DIAPH2: variants seen among roughly 807,000 people sequenced by gnomAD.
The protein encoded by DIAPH2 is protein diaphanous homolog 2.
Under a neutral mutation model 92.7 loss-of-function variants are expected in DIAPH2, and 35 were observed. The ratio of observed to expected loss-of-function variants is 0.38; its 90% CI spans 0.29 to 0.50. DIAPH2 has a LOEUF of 0.50. DIAPH2 is among the 20% of genes least tolerant of loss of function. The pLI, the probability that DIAPH2 is intolerant of heterozygous loss-of-function variation, is 0.94. For missense variants in DIAPH2, 701 were observed against 819.5 expected, an observed-to-expected ratio of 0.86 and a Z score of 1.77; for synonymous variants, 301 against 280.4, an observed-to-expected ratio of 1.07 and a Z score of -0.73.
At chrX:96,962,621 A>G (rs896367020) in intron 16 of DIAPH2, among the ~76,000 whole-genome samples, 1 of 103,356 alleles carries the variant, frequency 9.7e-6, no homozygotes, top group African/African-American at 3.6e-5. Flanking sequence ...GCAATTTAAT[A>G]TCTTCTATTT....
At chrX:97,338,162 G>A (rs1482874699) in intron 23 of DIAPH2, among the ~76,000 whole-genome samples, 2 of 110,981 alleles carry the variant, frequency 1.8e-5, no homozygotes, top group African/African-American at 3.3e-5. Context: ...GTGAGCCACC[G>A]TACCTGGCCT....
intron 26 of DIAPH2, among the ~76,000 whole-genome samples, chrX:97,452,659 A>C (rs189732002): frequency 5.3e-5 from 6 of 112,171 alleles, no homozygotes; most frequent in East Asian, 5.6e-4. Context: ...CCCCTTTTCT[A>C]GTATTCCAGA....
chrX:97,570,114 ATATATATATT>A (rs1569426209), intron 26 of DIAPH2, among the ~76,000 whole-genome samples: 17 of 31,135 alleles, frequency 5.5e-4, no homozygotes, highest in East Asian at 1.4e-3. Flanking sequence ...ATATATATAT[ATATATATATT>A]AGAAGATAGA....
At chrX:96,923,227 A>G (rs1050434445) in intron 9 of DIAPH2, among the ~76,000 whole-genome samples, 3 of 112,294 alleles carry the variant, frequency 2.7e-5, no homozygotes, top group East Asian at 2.8e-4. Context: ...CAATATATAC[A>G]AAGAAGTGGA....
intron 4 of DIAPH2, among the ~76,000 whole-genome samples, chrX:96,804,335 A>G (rs1318365216): frequency 1.1e-4 from 12 of 111,808 alleles, no homozygotes; most frequent in Non-Finnish European, 2.1e-4. Flanking sequence ...AAAACTCAAA[A>G]TGTTGATATT....
At chrX:97,226,389 G>T (rs2067965650) in intron 22 of DIAPH2, among the ~76,000 whole-genome samples, 1 of 110,658 alleles carries the variant, frequency 9.0e-6, no homozygotes, top group African/African-American at 3.3e-5. Context: ...GTTTTGTTTT[G>T]TTTGAGATGG....
chrX:97,214,530 TA>T lies in DIAPH2; in HGVS notation c.2720-33175del, dbSNP rs11394257. Among the ~76,000 whole-genome samples, 73 of 107,200 alleles carry T rather than the reference TA, an allele frequency of 6.8e-4. 1 individual carries two copies. In the East Asian group the frequency reaches 0.018, roughly 27 times the overall value. 93.1% of individuals were successfully genotyped at this position (107,200 alleles called of 115,157 possible). A position where few individuals can be genotyped will look rare whatever the true frequency, so the allele number is the denominator to read the frequency against. On this transcript the variant is annotated intron_variant, in intron 22 of 26. Transcript: ENST00000324765. The stretch of plus-strand genomic sequence containing the variant: ...TTAAAATTTTCTTAGAAATTTCCTT[TA>T]AAAAAAAAATGGGTCCTGGCTGGGC...
At chrX:96,696,266 T>A (rs1021823777) in intron 1 of DIAPH2, among the ~76,000 whole-genome samples, 1 of 111,388 alleles carries the variant, frequency 9.0e-6, no homozygotes, top group Non-Finnish European at 1.9e-5. Context: ...AGAAAAATTT[T>A]AAAAAAAGAT....
chrX:97,485,283 T>A (rs545527876), intron 26 of DIAPH2, among the ~76,000 whole-genome samples: 52 of 111,655 alleles, frequency 4.7e-4, no homozygotes, highest in Non-Finnish European at 2.8e-4. Context: ...GATTTTTTTT[T>A]TAAAAATCTA....
chrX:96,939,601 TACACACACACACACATATACACAC>T (rs1172978734), intron 12 of DIAPH2, among the ~76,000 whole-genome samples: 2 of 62,219 alleles, frequency 3.2e-5, no homozygotes, highest in Admixed American at 3.7e-4. Flanking sequence ...TGTGTGTATA[TACACACACACACACATATACACAC>T]ACACACACAC....
intron 22 of DIAPH2, among the ~76,000 whole-genome samples, chrX:97,178,441 C>CTTTTTTTT (rs1569321100): frequency 3.4e-5 from 3 of 88,973 alleles, no homozygotes; most frequent in African/African-American, 1.4e-4. Flanking sequence ...GCCTATATTT[C>CTTTTTTTT]TCTTTTTTTT....
chrX:97,545,533 A>AAAAAAAT (rs1260118151), intron 26 of DIAPH2, among the ~76,000 whole-genome samples: 6 of 79,358 alleles, frequency 7.6e-5, no homozygotes, highest in African/African-American at 3.0e-4. Context: ...AAAAAAAAAA[A>AAAAAAAT]ATATATATAT....
chrX:96,982,730 C>T (rs748766577), intron 17 of DIAPH2, among the ~76,000 whole-genome samples: 1 of 112,051 alleles, frequency 8.9e-6, no homozygotes, highest in Non-Finnish European at 1.9e-5. Context: ...TGAATGCTGA[C>T]AATTTAAGCA....
chrX:97,144,002 G>A (rs1349123022), intron 22 of DIAPH2, among the ~76,000 whole-genome samples: 1 of 111,467 alleles, frequency 9.0e-6, no homozygotes, highest in East Asian at 2.8e-4. Flanking sequence ...AAGGTGAAGG[G>A]TAGGGGGATG....
At chrX:96,939,562 A>ATATGTGTGTGTGTGTG (rs1231881351) in intron 12 of DIAPH2, among the ~76,000 whole-genome samples, 180 bp downstream of exon 12, 992 of 74,725 alleles carry the variant, frequency 0.013, 45 homozygotes, top group African/African-American at 0.046. Flanking sequence ...ATGTATATAT[A>ATATGTGTGTGTGTGTG]TATATGTGTG....
chrX:96,912,662 G>C, intron 7 of DIAPH2, 110 bp downstream of exon 7: 2 of 915,628 alleles, frequency 2.2e-6, no homozygotes, highest in Admixed American at 4.6e-5. Flanking sequence ...AATTTCCAGG[G>C]TACATGTATA....
At chrX:97,186,061 C>T (rs1444338642) in intron 22 of DIAPH2, among the ~76,000 whole-genome samples, 3 of 110,765 alleles carry the variant, frequency 2.7e-5, no homozygotes, top group East Asian at 5.6e-4. Flanking sequence ...AATCCCGGAC[C>T]TATATAAATG....
chrX:97,597,909 T>G (rs1473805453), intron 26 of DIAPH2, among the ~76,000 whole-genome samples: 1 of 111,437 alleles, frequency 9.0e-6, no homozygotes, highest in African/African-American at 3.3e-5. Context: ...TCAGTGATAT[T>G]ATTGCATCAT....
intron 22 of DIAPH2, among the ~76,000 whole-genome samples, chrX:97,229,853 C>T (rs1238362752): frequency 3.2e-5 from 3 of 93,884 alleles, no homozygotes; most frequent in African/African-American, 4.1e-5. Context: ...TTATATATAA[C>T]ATATTATATA....
Sources: allele counts gnomAD v4.1 joint callset (sites outside exome capture counted in the v4.1 genomes callset), GRCh38; gene constraint gnomAD v4.1.1; transcripts MANE v1.5; gene names NCBI Gene and HGNC (gene_info 2026-07-23, HGNC 2026-07-21).